PPP2R5E: variants seen among roughly 807,000 people sequenced by gnomAD.
The protein encoded by PPP2R5E is protein phosphatase 2 regulatory subunit B'epsilon, also known as serine/threonine-protein phosphatase 2A 56 kDa regulatory subunit epsilon isoform.
A neutral mutation model predicts 65.3 loss-of-function variants in PPP2R5E; 4 were observed. The observed-to-expected ratio is 0.06, with a 90% CI of 0.03 to 0.14. The LOEUF (loss-of-function observed/expected upper bound fraction) is 0.14. Ranked by LOEUF, PPP2R5E falls within the 10% of genes least tolerant of loss-of-function variation. PPP2R5E has a pLI of 1.00. For missense variants in PPP2R5E, 274 were observed against 556.1 expected (o/e 0.49, Z 5.10); for synonymous variants, 183 against 187.4 (o/e 0.98, Z 0.19).
At chr14:63,435,341 T>A (rs1164417990) in intron 3 of PPP2R5E, among the ~76,000 whole-genome samples, 1 of 151,974 alleles carries the variant, frequency 6.6e-6, no homozygotes, top group East Asian at 1.9e-4. Flanking sequence ...ATACCGAAAC[T>A]ATGGGTGATT....
At chr14:63,503,547 AAGG>A (rs1892005852) in intron 2 of PPP2R5E, among the ~76,000 whole-genome samples, 1 of 152,152 alleles carries the variant, frequency 6.6e-6, no homozygotes, top group African/African-American at 2.4e-5. Context: ...TTCCAGAGCA[AAGG>A]AGGTAACATA....
intron 2 of PPP2R5E, among the ~76,000 whole-genome samples, chr14:63,462,069 C>G (rs563741731): frequency 7.7e-6 from 1 of 130,166 alleles, no homozygotes; most frequent in Non-Finnish European, 1.5e-5. Context: ...CCGATTTCAA[C>G]TGTATTTTTT....
chr14:63,502,415 C>T (rs1261860467), intron 2 of PPP2R5E, among the ~76,000 whole-genome samples: 7 of 152,132 alleles, frequency 4.6e-5, no homozygotes, highest in African/African-American at 1.4e-4. Flanking sequence ...CAGTGGCTCA[C>T]GCCTGTAATC....
intron 2 of PPP2R5E, among the ~76,000 whole-genome samples, chr14:63,479,107 T>C (rs8014486): frequency 0.36 from 55,066 of 151,856 alleles, 13,986 homozygotes; most frequent in African/African-American, 0.72. Context: ...CCAACATGGG[T>C]GACAGAGTGA....
chr14:63,469,333 T>A (rs1418236895), intron 2 of PPP2R5E, among the ~76,000 whole-genome samples: 2 of 152,184 alleles, frequency 1.3e-5, no homozygotes, highest in Non-Finnish European at 2.9e-5. Context: ...AACAAATGGA[T>A]CTACTCTCAA....
intron 1 of PPP2R5E, among the ~76,000 whole-genome samples, chr14:63,539,943 T>G (rs1474726063): frequency 6.6e-6 from 1 of 150,494 alleles, no homozygotes. Context: ...CTGGACAACA[T>G]GGTGAAATTC....
At chr14:63,441,308 T>C (rs552322685) in intron 3 of PPP2R5E, among the ~76,000 whole-genome samples, 62 of 152,318 alleles carry the variant, frequency 4.1e-4, no homozygotes, top group African/African-American at 1.4e-3. Flanking sequence ...ATTCACACCA[T>C]ATAAAACAAA....
chr14:63,462,465 A>G (rs1335777407), intron 2 of PPP2R5E, among the ~76,000 whole-genome samples: 1 of 152,200 alleles, frequency 6.6e-6, no homozygotes, highest in Non-Finnish European at 1.5e-5. Context: ...AATTCTTAAC[A>G]CAAAATTCCC....
At chr14:63,527,276 A>T (rs1047699175) in intron 2 of PPP2R5E, among the ~76,000 whole-genome samples, 6 of 152,256 alleles carry the variant, frequency 3.9e-5, no homozygotes, top group Admixed American at 3.9e-4. Context: ...TGATTCCAGA[A>T]ACAAGAAATC....
intron 2 of PPP2R5E, among the ~76,000 whole-genome samples, chr14:63,509,267 C>CT (rs10553696): frequency 0.03 from 3,240 of 108,006 alleles, 9 homozygotes; most frequent in Non-Finnish European, 0.044. Context: ...TTAAAATATC[C>CT]TTTTTTTTTT....
At position 63,491,981 on chromosome 14, in the gene PPP2R5E, A is replaced by T. The variant is rs561218112; in HGVS notation, c.158-38096T>A. 1.2e-4 allele frequency among the ~76,000 whole-genome samples: 18 copies of T among 152,266 alleles called. No individual in the cohort carries two copies. The East Asian group carries it at 2.5e-3, about 21-fold the overall frequency. On this transcript the variant is annotated intron_variant, in intron 2 of 13. Transcript: ENST00000337537. ...TTATTGGGGAGCACTAAAGTAAGACAATAAAGGAAACAAAGGGGACAAAGA... is the reference window on the plus strand; with the variant it reads ...TTATTGGGGAGCACTAAAGTAAGACTATAAAGGAAACAAAGGGGACAAAGA...
At chr14:63,518,833 GCTGCT>G (rs1267540308) in intron 2 of PPP2R5E, among the ~76,000 whole-genome samples, 2 of 151,834 alleles carry the variant, frequency 1.3e-5, no homozygotes, top group Non-Finnish European at 2.9e-5. Flanking sequence ...GAATATGCAG[GCTGCT>G]CTGCCTACAG....
rs778623597 is a variant in PPP2R5E, at chr14:63,395,259, T to C, written c.707A>G (p.Asn236Ser). Residue 236 changes from asparagine to serine, a missense_variant, in exon 7 of 14, where the codon AAT (asparagine) becomes AGT (serine). Coordinates refer to ENST00000337537, the MANE Select transcript of PPP2R5E (RefSeq NM_006246.5). ...LRFVYETEHF[N>S]GVAELLEILG... ...TATTTCCAGCAGTTCAGCTACACCA[T>C]TGAAGTGTTCTGTTTCATAAACAAA... is the stretch of plus-strand genomic sequence containing the variant. 2.4e-5 allele frequency: 39 copies of C among 1,609,934 alleles called. No individual in the cohort carries two copies. Among genetic ancestry groups the C allele is most frequent in the Non-Finnish European group, 3.1e-5 (36 of 1,177,490 alleles).
At chr14:63,445,482 G>A (rs1394631445) in intron 3 of PPP2R5E, among the ~76,000 whole-genome samples, 4 of 152,154 alleles carry the variant, frequency 2.6e-5, no homozygotes, top group Non-Finnish European at 4.4e-5. Context: ...CCTTCATGTT[G>A]ATGGCTGCTA....
chr14:63,443,594 G>C (rs373334539), intron 3 of PPP2R5E, among the ~76,000 whole-genome samples: 2 of 152,072 alleles, frequency 1.3e-5, no homozygotes, highest in African/African-American at 2.4e-5. Flanking sequence ...ATCATCTAGA[G>C]TTCCATCATT....
At chr14:63,507,616 G>A (rs186181071) in intron 2 of PPP2R5E, among the ~76,000 whole-genome samples, 1,582 of 94,556 alleles carry the variant, frequency 0.017, 26 homozygotes, top group African/African-American at 0.063. Flanking sequence ...GTCTTGTTCT[G>A]TCGCCCAGGC....
At chr14:63,467,456 G>A (rs1422200633) in intron 2 of PPP2R5E, among the ~76,000 whole-genome samples, 1 of 152,026 alleles carries the variant, frequency 6.6e-6, no homozygotes, top group Non-Finnish European at 1.5e-5. Flanking sequence ...CCATGGGGTA[G>A]TACAAACATT....
intron 10 of PPP2R5E, among the ~76,000 whole-genome samples, chr14:63,390,210 C>CA (rs1233068169): frequency 4.0e-5 from 6 of 151,888 alleles, no homozygotes; most frequent in African/African-American, 1.4e-4. Context: ...ATTAATACAA[C>CA]AAAAAGTTCA....
intron 2 of PPP2R5E, among the ~76,000 whole-genome samples, chr14:63,467,119 G>C (rs765432048): frequency 6.6e-6 from 1 of 151,572 alleles, no homozygotes; most frequent in African/African-American, 2.4e-5. Flanking sequence ...CCAGCTACTC[G>C]GGAGGCTGAG....
Sources: gnomAD v4.1 joint callset for allele counts (sites outside exome capture counted in the v4.1 genomes callset) on GRCh38, gnomAD v4.1.1 for gene constraint, MANE v1.5 for transcripts, NCBI Gene and HGNC (gene_info 2026-07-23, HGNC 2026-07-21) for gene names.